The following UNC79 variants were observed in gnomAD, a reference collection of about 807,000 sequenced individuals.
UNC79 encodes unc-79 subunit of NALCN channel complex, also known as protein unc-79 homolog.
UNC79 carries 37 observed loss-of-function variants against 283.1 expected under a neutral mutation model. That is an observed-to-expected ratio of 0.13 (90% CI 0.10 to 0.17). The LOEUF (loss-of-function observed/expected upper bound fraction) is 0.17. Ranked by LOEUF, UNC79 falls within the 10% of genes least tolerant of loss-of-function variation. UNC79 has a pLI of 1.00. For synonymous variants in UNC79, 1,107 were observed against 1,200.2 expected (o/e 0.92, Z 1.61); for missense variants, 2,272 against 3,211.1 (o/e 0.71, Z 7.07).
At chr14:93,515,822 G>C (rs1277935138) in intron 7 of UNC79, among the ~76,000 whole-genome samples, 2 of 151,794 alleles carry the variant, frequency 1.3e-5, no homozygotes, top group African/African-American at 2.4e-5. Context: ...TCATTCAGGG[G>C]CTTCCCTGTT....
chr14:93,563,042 G>A (rs561969915), intron 14 of UNC79, among the ~76,000 whole-genome samples: 22 of 152,276 alleles, frequency 1.4e-4, no homozygotes, highest in Admixed American at 6.5e-4. Flanking sequence ...ACGGGCTAGC[G>A]GCTTGTAACC....
chr14:93,669,006 T>C (rs1193813605), intron 40 of UNC79, among the ~76,000 whole-genome samples: 1 of 108,142 alleles, frequency 9.2e-6, no homozygotes, highest in African/African-American at 3.6e-5. Context: ...AAAAAAAGAA[T>C]ATGCAAGAAC....
chr14:93,398,156 G>A (rs1276766111), intron 1 of UNC79, among the ~76,000 whole-genome samples: 1 of 152,126 alleles, frequency 6.6e-6, no homozygotes, highest in East Asian at 1.9e-4. Flanking sequence ...AAGTCTGGCT[G>A]TTCTGTTTTA....
intron 14 of UNC79, among the ~76,000 whole-genome samples, chr14:93,544,417 A>G (rs957395196): frequency 6.6e-6 from 1 of 152,232 alleles, no homozygotes; most frequent in African/African-American, 2.4e-5. Flanking sequence ...AGCTGAATCC[A>G]CAGGAAACTC....
chr14:93,465,856 T>A (rs2140248666), intron 1 of UNC79, among the ~76,000 whole-genome samples: 1 of 152,276 alleles, frequency 6.6e-6, no homozygotes, highest in South Asian at 2.1e-4. Flanking sequence ...ACAGTAATGC[T>A]TCATTACTGT....
At chr14:93,377,950 T>C (rs1009506410) in intron 1 of UNC79, among the ~76,000 whole-genome samples, 1 of 152,218 alleles carries the variant, frequency 6.6e-6, no homozygotes, top group East Asian at 1.9e-4. Flanking sequence ...ACGAAATACA[T>C]TTTAGTGTTT....
chr14:93,565,609 C>G (rs1004763363), intron 14 of UNC79, among the ~76,000 whole-genome samples: 1 of 152,124 alleles, frequency 6.6e-6, no homozygotes, highest in African/African-American at 2.4e-5. Context: ...TAGGTTACAT[C>G]CACAGGGACT....
intron 1 of UNC79, among the ~76,000 whole-genome samples, chr14:93,465,107 T>C (rs552573335): frequency 3.3e-5 from 5 of 152,324 alleles, no homozygotes; most frequent in South Asian, 4.1e-4. Flanking sequence ...TCTGTCCCAC[T>C]TTCTTTCTTC....
chr14:93,643,286 A>G (rs562933204), intron 33 of UNC79, among the ~76,000 whole-genome samples: 1 of 152,334 alleles, frequency 6.6e-6, no homozygotes, highest in East Asian at 1.9e-4. Context: ...TCTAAGTGAG[A>G]GCAGTCACTC....
chr14:93,598,678 C>T (rs1014516055), intron 24 of UNC79, among the ~76,000 whole-genome samples: 17 of 152,128 alleles, frequency 1.1e-4, no homozygotes, highest in Non-Finnish European at 1.8e-4. Context: ...TACGCCGCCA[C>T]GCCTGGCTAA....
intron 1 of UNC79, among the ~76,000 whole-genome samples, chr14:93,346,528 T>C (rs11627931): frequency 0.074 from 11,194 of 152,254 alleles, 869 homozygotes; most frequent in African/African-American, 0.19. Flanking sequence ...ATTACATCAC[T>C]GTTTCTACTG....
intron 1 of UNC79, among the ~76,000 whole-genome samples, chr14:93,388,950 T>C (rs2054830967): frequency 6.6e-6 from 1 of 152,198 alleles, no homozygotes; most frequent in African/African-American, 2.4e-5. Context: ...CTAATAGTCA[T>C]GTTGTGTAAG....
rs1359304029 is a variant in UNC79, at chr14:93,474,396, G to A, written c.448+3G>A. ...TTTACTACAGCACGGCCAACACGGT[G>A]AGCACTTAGCTGAAACCTTTGGAAA... On this transcript the variant is annotated splice_donor_region_variant and intron_variant, in intron 3 of 48. Transcript: ENST00000555664. This position sits in a 1 kb window ranked among gnomAD's most constrained non-coding sequence, Gnocchi z 4.1. The A allele has an allele frequency of 6.5e-7, 1 of 1,533,446 alleles. No individual in the cohort carries two copies. Among genetic ancestry groups the A allele is most frequent in the Non-Finnish European group, 8.7e-7 (1 of 1,145,012 alleles). The allele number at this position is 1,533,446 out of a possible 1,614,324, so 95.0% of individuals were successfully genotyped here. A position where few individuals can be genotyped will look rare whatever the true frequency, so the allele number is the denominator to read the frequency against.
At chr14:93,584,376 G>A (rs2064059298) in intron 20 of UNC79, among the ~76,000 whole-genome samples, 1 of 152,212 alleles carries the variant, frequency 6.6e-6, no homozygotes, top group African/African-American at 2.4e-5. Context: ...TCAAGTCTGG[G>A]TATCCCTGGG....
intron 1 of UNC79, among the ~76,000 whole-genome samples, chr14:93,446,435 G>A (rs1041563775): frequency 1.4e-5 from 2 of 140,418 alleles, no homozygotes; most frequent in African/African-American, 5.3e-5. Context: ...TTGCTCTGTT[G>A]CCCAGGCTGG....
rs1285171627 is a variant in UNC79 at position 93,357,731 on chromosome 14, ATG to A, written c.-351+24210_-351+24211del. 1.8e-4 allele frequency among the ~76,000 whole-genome samples: 20 copies of A among 111,532 alleles called. 1 individual carries two copies. Among genetic ancestry groups the A allele is most frequent in the African/African-American group, 6.9e-4 (17 of 24,534 alleles). The allele number at this position is 111,532 out of a possible 152,430, so 73.2% of individuals were successfully genotyped here. On this transcript the variant is annotated intron_variant, in intron 1 of 49. Coordinates refer to the UNC79 transcript ENST00000256339. ...TATATATATATATATGGATATATGG[ATG>A]TATATATATATATGGATATATGGAT...
exon 18 of UNC79, chr14:93,578,018 G>A (rs1267848033): frequency 6.2e-7 from 1 of 1,614,236 alleles, no homozygotes; most frequent in East Asian, 2.2e-5. Flanking sequence ...ATGATGAAAT[G>A]AATCTAAATT....
chr14:93,659,445 T>A (rs1030151758), intron 39 of UNC79, among the ~76,000 whole-genome samples, 184 bp downstream of exon 42: 6 of 152,216 alleles, frequency 3.9e-5, no homozygotes, highest in African/African-American at 1.4e-4. Flanking sequence ...TACATCACAA[T>A]GTCATGGTTT....
At chr14:93,503,797 T>C (rs2059409750) in intron 7 of UNC79, among the ~76,000 whole-genome samples, 1 of 152,050 alleles carries the variant, frequency 6.6e-6, no homozygotes. Flanking sequence ...TTTAATATTA[T>C]CAACTTAGCA....
Sources: allele counts gnomAD v4.1 joint callset (sites outside exome capture counted in the v4.1 genomes callset), GRCh38; gene constraint gnomAD v4.1.1; non-coding constraint Gnocchi (gnomAD v3.1); transcripts MANE v1.5; gene names NCBI Gene and HGNC (gene_info 2026-07-23, HGNC 2026-07-21).